Variants in CMIP observed in about 807,000 individuals in gnomAD.
CMIP encodes the protein C-Maf-inducing protein.
In CMIP, 13 loss-of-function variants were observed where a neutral mutation model predicts 97.3. The ratio of observed to expected loss-of-function variants is 0.13; its 90% CI spans 0.09 to 0.21. The LOEUF is 0.21. Ranked by LOEUF, CMIP falls within the 10% of genes least tolerant of loss-of-function variation. The pLI, the probability that CMIP is intolerant of heterozygous loss-of-function variation, is 1.00. For synonymous variants in CMIP, 538 were observed against 436.3 expected (o/e 1.23, Z -2.91); for missense variants, 847 against 1,024.9 (o/e 0.83, Z 2.37).
At position 81,678,432 on chromosome 16, in the gene CMIP, G is replaced by C; in HGVS notation, c.1192G>C (p.Ala398Pro). 6.3e-7 allele frequency: 1 copy of C among 1,591,438 alleles called. No homozygotes were observed. Residue 398 changes from alanine to proline, a missense_variant, in exon 10 of 21, where the codon GCC becomes CCC. Physicochemically the swap from Ala to Pro is conservative, Grantham distance 27. This residue lies in a region of CMIP where 202 missense variants were observed against 168.7 expected (regional missense o/e 1.20). Transcript: ENST00000537098. Reference protein sequence around the residue: ...SEARLKSVVVASSEIHVEVER... With the variant: ...SEARLKSVVVPSSEIHVEVER... Reference sequence around the variant, plus strand: ...GGCCCGGCTCAAGTCGGTGGTCGTGGCCTCCAGTGAGATCCACGTGGAGGT... The same window carrying C: ...GGCCCGGCTCAAGTCGGTGGTCGTGCCCTCCAGTGAGATCCACGTGGAGGT...
intron 5 of CMIP, among the ~76,000 whole-genome samples, chr16:81,659,917 T>C (rs377382709): frequency 6.6e-6 from 1 of 152,248 alleles, no homozygotes; most frequent in South Asian, 2.1e-4. Flanking sequence ...TTATGATGCC[T>C]TCTGGAGCCT....
chr16:81,449,727 G>GT (rs1906094241), intron 1 of CMIP, among the ~76,000 whole-genome samples: 4 of 148,676 alleles, frequency 2.7e-5, no homozygotes, highest in Admixed American at 2.0e-4. Context: ...TATCAAAATT[G>GT]TTTCCTAGAC....
intron 1 of CMIP, among the ~76,000 whole-genome samples, chr16:81,591,830 C>CTT (rs67448056): frequency 2.1e-4 from 30 of 142,174 alleles, no homozygotes; most frequent in African/African-American, 7.0e-4. Flanking sequence ...TTCTTTCTTT[C>CTT]TTTTTTTTTT....
intron 7 of CMIP, among the ~76,000 whole-genome samples, chr16:81,669,463 C>T (rs2092656617): frequency 7.6e-6 from 1 of 131,522 alleles, no homozygotes; most frequent in South Asian, 2.8e-4. Context: ...ACATCCACCT[C>T]TCACCTTCCA....
chr16:81,680,354 G>A (rs1489226174), intron 10 of CMIP, among the ~76,000 whole-genome samples: 1 of 152,214 alleles, frequency 6.6e-6, no homozygotes, highest in Non-Finnish European at 1.5e-5. Context: ...AAATGGCTGG[G>A]AGGCACCCTG....
intron 1 of CMIP, among the ~76,000 whole-genome samples, chr16:81,576,329 G>T (rs1422176953): frequency 2.0e-5 from 3 of 152,036 alleles, no homozygotes; most frequent in Non-Finnish European, 4.4e-5. Context: ...GCTTGAACCC[G>T]GGAGGCAGGG....
At position 81,670,372 on chromosome 16, in the gene CMIP, A is replaced by G. The variant is rs537580796; in HGVS notation, c.929+127A>G. 11 of 984,840 alleles carry G rather than the reference A, an allele frequency of 1.1e-5. No homozygotes were observed. The African/African-American group carries it at 1.8e-4, about 16-fold the overall frequency. The allele number at this position is 984,840 out of a possible 1,614,324, so 61.0% of individuals were successfully genotyped here. A position where few individuals can be genotyped will look rare whatever the true frequency, so the allele number is the denominator to read the frequency against. On this transcript the variant is annotated intron_variant, in intron 8 of 20. Coordinates refer to ENST00000537098, the MANE Select transcript of CMIP (RefSeq NM_198390.3). ...AGACTCCCTCTATGAGGAAGCCCCT[A>G]GCCTACTGCACGGTGCCCGATAGGA...
chr16:81,696,767 G>A (rs1350655764), intron 14 of CMIP, 100 bp downstream of exon 14: 4 of 1,102,782 alleles, frequency 3.6e-6, no homozygotes, highest in Admixed American at 4.6e-5. Context: ...GGCCAGCCCC[G>A]GAGTTTCCCG....
chr16:81,565,031 C>T (rs1414686631), intron 1 of CMIP, among the ~76,000 whole-genome samples: 1 of 151,688 alleles, frequency 6.6e-6, no homozygotes, highest in African/African-American at 2.4e-5. Context: ...AGAGGTAGTG[C>T]TCGGGGGTGC....
chr16:81,578,918 T>G (rs1362882797), intron 1 of CMIP, among the ~76,000 whole-genome samples: 1 of 152,252 alleles, frequency 6.6e-6, no homozygotes, highest in African/African-American at 2.4e-5. Flanking sequence ...CAGATGCTTC[T>G]TCTCCTTTCT....
chr16:81,645,937 T>C (rs1020867841), intron 3 of CMIP, among the ~76,000 whole-genome samples: 4 of 152,200 alleles, frequency 2.6e-5, no homozygotes, highest in African/African-American at 9.7e-5. Flanking sequence ...ACTGTAAGTT[T>C]CATGAGCACC....
chr16:81,701,812 G>T lies in CMIP; in HGVS notation c.1896+12G>T, dbSNP rs558902020. Reference sequence around the variant, plus strand: ...AGCTGAAGGAGCTGGTGAGTCCCCGGCTGCTCCGGACCACTCCCCTGCCCA... The same window carrying T: ...AGCTGAAGGAGCTGGTGAGTCCCCGTCTGCTCCGGACCACTCCCCTGCCCA... On this transcript the variant is annotated intron_variant, in intron 16 of 20. Coordinates refer to ENST00000537098, the MANE Select transcript of CMIP (RefSeq NM_198390.3). 2.5e-5 allele frequency: 41 copies of T among 1,612,878 alleles called. No homozygotes were observed. The Middle Eastern group carries it at 8.3e-4, about 32-fold the overall frequency.
chr16:81,521,664 C>T (rs2090030669), intron 1 of CMIP, among the ~76,000 whole-genome samples: 1 of 152,162 alleles, frequency 6.6e-6, no homozygotes, highest in Admixed American at 6.5e-5. Flanking sequence ...TCTTTTCCTT[C>T]TAAGTCTTGT....
intron 11 of CMIP, among the ~76,000 whole-genome samples, chr16:81,692,241 G>A (rs774218902): frequency 2.6e-5 from 4 of 152,218 alleles, no homozygotes; most frequent in Non-Finnish European, 4.4e-5. Context: ...GATAATGCGC[G>A]TAGCATTGCT....
intron 1 of CMIP, among the ~76,000 whole-genome samples, chr16:81,578,138 T>C (rs986195897): frequency 5.3e-5 from 8 of 151,584 alleles, no homozygotes; most frequent in Non-Finnish European, 1.2e-4. Flanking sequence ...ATCACCATCA[T>C]CACCATCACC....
At chr16:81,661,235 G>A (rs186410994) in intron 6 of CMIP, among the ~76,000 whole-genome samples, 9 of 152,350 alleles carry the variant, frequency 5.9e-5, no homozygotes, top group Non-Finnish European at 8.8e-5. Flanking sequence ...GGCTCATGAC[G>A]TCAGAGCTGG....
intron 10 of CMIP, among the ~76,000 whole-genome samples, chr16:81,682,918 G>A (rs945896125): frequency 2.0e-5 from 3 of 152,210 alleles, no homozygotes; most frequent in Admixed American, 1.3e-4. Flanking sequence ...CGCATGAGGC[G>A]CAGGAGGGGT....
intron 2 of CMIP, among the ~76,000 whole-genome samples, chr16:81,615,346 T>C (rs955756865): frequency 1.3e-5 from 2 of 149,990 alleles, no homozygotes; most frequent in African/African-American, 4.9e-5. Context: ...TGTCTTTGTG[T>C]GTGTGGTATG....
Position 81,678,299 on chromosome 16 carries a change from G to A in CMIP, c.1059G>A (p.Lys353=), listed in dbSNP as rs550071154. 1.9e-6 allele frequency: 3 copies of A among 1,604,826 alleles called. No homozygotes were observed. The East Asian group carries it at 6.7e-5, about 36-fold the overall frequency. Residue 353 remains lysine, a synonymous_variant, in exon 10 of 21, where the codon AAG becomes AAA. Coordinates refer to ENST00000537098, the MANE Select transcript of CMIP (RefSeq NM_198390.3). The part of the protein sequence containing the change: ...INSRDNSPSL[K]EIRNGCQQPC... ...GCCGCGACAATTCCCCAAGCCTGAAGGAAATCCGGAACGGCTGCCAGCAGC... is the reference window on the plus strand; with the variant it reads ...GCCGCGACAATTCCCCAAGCCTGAAAGAAATCCGGAACGGCTGCCAGCAGC...
Sources: allele counts gnomAD v4.1 joint callset (sites outside exome capture counted in the v4.1 genomes callset), GRCh38; gene constraint gnomAD v4.1.1; regional missense constraint gnomAD v4.1.1; transcripts MANE v1.5; gene names NCBI Gene and HGNC (gene_info 2026-07-23, HGNC 2026-07-21).